The following ZMYND8 variants were observed in gnomAD, a reference collection of about 807,000 sequenced individuals.
The protein encoded by ZMYND8 is MYND-type zinc finger-containing chromatin reader ZMYND8.
ZMYND8 carries 37 observed loss-of-function variants against 140.8 expected under a neutral mutation model. The observed-to-expected ratio is 0.26, with a 90% CI of 0.20 to 0.35. The LOEUF is 0.35. Among genes scored for constraint, ZMYND8 ranks in the 10% least tolerant of loss-of-function variants. The probability of loss-of-function intolerance (pLI) is 1.00; values close to 1 mark genes in which losing one functional copy is unlikely to be tolerated. For missense variants in ZMYND8, 1,068 were observed against 1,570.0 expected (o/e 0.68, Z 5.40); for synonymous variants, 592 against 597.1 (o/e 0.99, Z 0.12).
At chr20:47,297,073 GGT>G (rs1429973637) in intron 4 of ZMYND8, among the ~76,000 whole-genome samples, 1 of 152,144 alleles carries the variant, frequency 6.6e-6, no homozygotes, top group Non-Finnish European at 1.5e-5. Flanking sequence ...AATTGGTGAA[GGT>G]TCCAGATCCC....
At chr20:47,255,722 G>GTGTGTA (rs1458176502) in intron 12 of ZMYND8, among the ~76,000 whole-genome samples, 18 of 77,762 alleles carry the variant, frequency 2.3e-4, no homozygotes, top group Admixed American at 1.5e-3. Context: ...GTGTATGTGT[G>GTGTGTA]TATATATATA....
intron 1 of ZMYND8, among the ~76,000 whole-genome samples, chr20:47,350,493 A>T (rs2082698256): frequency 6.6e-6 from 1 of 151,706 alleles, no homozygotes; most frequent in Admixed American, 6.6e-5. Context: ...TAGTGTTAAG[A>T]ACTAGTATGT....
rs746819994 is a variant in ZMYND8 at position 47,287,192 on chromosome 20, T to A, written c.804+37A>T. 1.9e-6 allele frequency: 3 copies of A among 1,586,504 alleles called. No homozygotes were observed. The Admixed American group carries it at 5.0e-5, about 26-fold the overall frequency. On this transcript the variant is annotated intron_variant, in intron 8 of 22. Transcript: ENST00000471951. ...CTTCAGCTGCCCCATCCCCTCCTTC[T>A]GGGTGCATCTAAAACAGGACAGTGG...
At chr20:47,283,794 C>T (rs956686614) in intron 8 of ZMYND8, 146 bp from the exon 9 acceptor site, 12 of 750,842 alleles carry the variant, frequency 1.6e-5, no homozygotes, top group East Asian at 1.1e-4. Flanking sequence ...CACTATGTAT[C>T]GCTCCCAATG....
chr20:47,290,545 G>A (rs983106048), intron 6 of ZMYND8, among the ~76,000 whole-genome samples: 22 of 144,486 alleles, frequency 1.5e-4, no homozygotes, highest in African/African-American at 5.7e-4. Flanking sequence ...CATTTATCAT[G>A]TAGCTTCTTC....
chr20:47,291,786 G>C lies in ZMYND8; in HGVS notation c.660+10C>G, dbSNP rs114364441. The C allele has an allele frequency of 1.9e-6, 3 of 1,606,844 alleles. No individual in the cohort carries two copies. The highest frequency in any genetic ancestry group is 1.7e-4 in the Middle Eastern group (1 of 6,060). Reference sequence around the variant, plus strand: ...GGCTAGAATGGTGAGGTTCTTTGACGGAGGCCAACCTTTTCCAATGTACAA... The same window carrying C: ...GGCTAGAATGGTGAGGTTCTTTGACCGAGGCCAACCTTTTCCAATGTACAA... On this transcript the variant is annotated intron_variant, in intron 6 of 22. Coordinates refer to ENST00000471951, the MANE Select transcript of ZMYND8 (RefSeq NM_001281775.3).
In ZMYND8 at chr20:47,224,408, G is replaced by A. The variant is rs201297633; in HGVS notation, c.3165C>T (p.Ala1055=). 233 of 1,614,122 alleles carry A rather than the reference G, an allele frequency of 1.4e-4. No individual in the cohort carries two copies. The highest frequency in any genetic ancestry group is 1.8e-4 in the Non-Finnish European group (217 of 1,180,052). ...KQWCANCKKE[A]IFYCCWNTSY... is the part of the protein sequence containing the mutation. ...TGGTGTTCCAACAGCAGTAAAAGAT[G>A]GCCTCCTTCTTGCAGTTGGCGCACC... Residue 1055 remains alanine, a synonymous_variant, in exon 19 of 23, where the codon GCC becomes GCT. Transcript: ENST00000471951.
chr20:47,260,988 G>A (rs2075111618), intron 12 of ZMYND8, among the ~76,000 whole-genome samples: 1 of 152,122 alleles, frequency 6.6e-6, no homozygotes, highest in Non-Finnish European at 1.5e-5. Flanking sequence ...TTGGGAGGCT[G>A]AGGCAGGCAG....
intron 7 of ZMYND8, among the ~76,000 whole-genome samples, chr20:47,289,388 A>G (rs2077117150): frequency 6.6e-6 from 1 of 152,184 alleles, no homozygotes; most frequent in South Asian, 2.1e-4. Flanking sequence ...CACTTTGCAA[A>G]AACTGTTTGG....
intron 2 of ZMYND8, among the ~76,000 whole-genome samples, chr20:47,315,440 T>C (rs946963542): frequency 1.3e-5 from 2 of 152,082 alleles, no homozygotes; most frequent in Non-Finnish European, 2.9e-5. Context: ...GAGATTTCAA[T>C]GAAGGGTTGT....
intron 1 of ZMYND8, among the ~76,000 whole-genome samples, chr20:47,355,226 G>A (rs906479792): frequency 6.6e-6 from 1 of 152,102 alleles, no homozygotes; most frequent in Non-Finnish European, 1.5e-5. Flanking sequence ...CCTGACTCAG[G>A]GTAAACAGGA....
intron 2 of ZMYND8, among the ~76,000 whole-genome samples, chr20:47,333,724 CAAAAAAAAAA>C (rs57968979): frequency 0.028 from 839 of 29,624 alleles, 4 homozygotes; most frequent in Non-Finnish European, 0.041. Context: ...GACTCCGTCT[CAAAAAAAAAA>C]AAAAAAAAAA....
chr20:47,317,990 T>A lies in ZMYND8; in HGVS notation c.86-7786A>T, dbSNP rs114675435. On this transcript the variant is annotated intron_variant, in intron 2 of 22. Transcript: ENST00000471951. Reference sequence around the variant, plus strand: ...TAAGCACCTATTCAATGGTAACTAATGGGTAACTGTATTTTTTTTAACCAA... The same window carrying A: ...TAAGCACCTATTCAATGGTAACTAAAGGGTAACTGTATTTTTTTTAACCAA... Among the ~76,000 whole-genome samples, 1,119 of 152,238 alleles carry A rather than the reference T, an allele frequency of 7.4e-3. 12 individuals carry two copies. The highest frequency in any genetic ancestry group is 0.026 in the African/African-American group (1,076 of 41,548).
intron 5 of ZMYND8, among the ~76,000 whole-genome samples, chr20:47,294,009 A>C (rs565810827): frequency 2.9e-4 from 44 of 152,170 alleles, no homozygotes; most frequent in African/African-American, 1.0e-3. Flanking sequence ...CATCATTTTA[A>C]GTTTCCTGAG....
intron 11 of ZMYND8, among the ~76,000 whole-genome samples, chr20:47,265,068 A>ATATATATATATATATATATATATG (rs1555948705): frequency 0.015 from 2,104 of 144,056 alleles, 41 homozygotes; most frequent in Non-Finnish European, 0.022. Flanking sequence ...ATATATATAT[A>ATATATATATATATATATATATATG]GGCATTTTAA....
At chr20:47,214,970 C>T (rs2035862735) in intron 21 of ZMYND8, among the ~76,000 whole-genome samples, 2 of 152,194 alleles carry the variant, frequency 1.3e-5, no homozygotes, top group South Asian at 4.1e-4. Flanking sequence ...ATGATCCCAG[C>T]TACTCAAGAG....
At chr20:47,279,487 T>G in intron 10 of ZMYND8, among the ~76,000 whole-genome samples, 1 of 147,032 alleles carries the variant, frequency 6.8e-6, no homozygotes. Flanking sequence ...AAGACCCCCC[T>G]CTTAAATAAA....
chr20:47,210,619 G>T lies in ZMYND8; in HGVS notation c.*142C>A. 1 of 1,379,182 alleles carries T rather than the reference G, an allele frequency of 7.3e-7. No homozygotes were observed. Among genetic ancestry groups the T allele is most frequent in the Non-Finnish European group, 1.0e-6 (1 of 978,860 alleles). The allele number at this position is 1,379,182 out of a possible 1,614,324, so 85.4% of individuals were successfully genotyped here. On this transcript the variant is annotated 3_prime_UTR_variant, in exon 23 of 23. Transcript: ENST00000471951. ...GGTGTCCTGTAGTGTAGCAGCCCCC[G>T]CGCCGGGGGCTCAGGCTCAACTGAG... is the stretch of plus-strand genomic sequence containing the variant.
At chr20:47,347,757 C>A in intron 2 of ZMYND8, 99 bp downstream of exon 2, 1 of 1,136,778 alleles carries the variant, frequency 8.8e-7, no homozygotes, top group Non-Finnish European at 1.3e-6. Flanking sequence ...GTTACAACGT[C>A]GGCTCAGAGA....
Sources: allele counts gnomAD v4.1 joint callset (sites outside exome capture counted in the v4.1 genomes callset), GRCh38; gene constraint gnomAD v4.1.1; transcripts MANE v1.5; gene names NCBI Gene and HGNC (gene_info 2026-07-23, HGNC 2026-07-21).